ATXN1: variants seen among roughly 807,000 people sequenced by gnomAD.
The protein encoded by ATXN1 is ataxin-1.
Under a neutral mutation model 56.4 loss-of-function variants are expected in ATXN1, and 8 were observed. That is an observed-to-expected ratio of 0.14 (90% CI 0.08 to 0.26). The LOEUF (loss-of-function observed/expected upper bound fraction) is 0.26, where lower values mean the gene tolerates loss of function less well. Ranked by LOEUF, ATXN1 falls within the 10% of genes least tolerant of loss-of-function variation. The pLI is 1.00. For synonymous variants in ATXN1, 514 were observed against 494.6 expected, an observed-to-expected ratio of 1.04 and a Z score of -0.52; for missense variants, 987 against 1,106.5, an observed-to-expected ratio of 0.89 and a Z score of 1.53.
chr6:16,405,000 G>A (rs369787), intron 6 of ATXN1, among the ~76,000 whole-genome samples: 150,606 of 152,354 alleles, frequency 0.99, 74,452 homozygotes, highest in East Asian at 1. Flanking sequence ...ATGTCCTGGT[G>A]TTTGGGTACT....
chr6:16,535,116 G>A (rs1761572822), intron 4 of ATXN1, among the ~76,000 whole-genome samples: 1 of 152,204 alleles, frequency 6.6e-6, no homozygotes, highest in South Asian at 2.1e-4. Context: ...TAGGATCAGT[G>A]AGGGACTAAA....
At chr6:16,379,210 T>A (rs1762202453) in intron 6 of ATXN1, among the ~76,000 whole-genome samples, 1 of 152,126 alleles carries the variant, frequency 6.6e-6, no homozygotes. Flanking sequence ...AGCTAAGCTA[T>A]GAGGATGCAA....
chr6:16,626,816 G>T (rs1308096937), intron 3 of ATXN1, among the ~76,000 whole-genome samples: 1 of 152,198 alleles, frequency 6.6e-6, no homozygotes, highest in Non-Finnish European at 1.5e-5. Context: ...TGGTGTCCTT[G>T]TAACAGGAGA....
rs151104603 is a variant in ATXN1 at position 16,729,786 on chromosome 6, G to A, written c.-615+23447C>T. Among the ~76,000 whole-genome samples the A allele has an allele frequency of 6.2e-3, 942 of 152,226 alleles. 25 individuals are homozygous for A. Among genetic ancestry groups the A allele is most frequent in the Admixed American group, 0.036 (547 of 15,278 alleles). On this transcript the variant is annotated intron_variant, in intron 2 of 7. Transcript: ENST00000436367. ...GCAACGGTTATATTTTTGTTCTATG[G>A]ATTCTGGCCCTCCCACCTGATTCCT... is the stretch of plus-strand genomic sequence containing the variant.
chr6:16,416,785 C>T lies in ATXN1; in HGVS notation c.-161+69187G>A, dbSNP rs1190558117. 2.6e-5 allele frequency among the ~76,000 whole-genome samples: 4 copies of T among 152,212 alleles called. No individual in the cohort carries two copies. In the East Asian group the frequency reaches 7.7e-4, roughly 29 times the overall value. The stretch of plus-strand genomic sequence containing the variant: ...TCTTCCTCACTGTGTTACAGCCGAG[C>T]TGGTACACACTGGAATTCCTGAATT... On this transcript the variant is annotated intron_variant, in intron 6 of 7. Transcript: ENST00000436367.
At chr6:16,453,322 G>T (rs932022842) in intron 6 of ATXN1, among the ~76,000 whole-genome samples, 2 of 152,128 alleles carry the variant, frequency 1.3e-5, no homozygotes, top group Admixed American at 6.5e-5. Flanking sequence ...TTAGCTGGGC[G>T]TAGTGGCAGG....
rs1210131878 is a variant in ATXN1, at chr6:16,753,216, C to G, written c.-615+17G>C. On this transcript the variant is annotated intron_variant, in intron 2 of 7. Transcript: ENST00000436367. The stretch of plus-strand genomic sequence containing the variant: ...TTATCCTCAGATGGAAAACAGAGAG[C>G]ATCGCAAAACTCTCACCTGACATGT... 2.2e-6 allele frequency: 1 copy of G among 456,444 alleles called. No individual in the cohort carries two copies. The highest frequency in any genetic ancestry group is 4.4e-6 in the Non-Finnish European group (1 of 226,924). The allele number at this position is 456,444 out of a possible 1,614,324, so 28.3% of individuals were successfully genotyped here. A position where few individuals can be genotyped will look rare whatever the true frequency, so the allele number is the denominator to read the frequency against.
intron 2 of ATXN1, among the ~76,000 whole-genome samples, chr6:16,730,762 C>T (rs942214955): frequency 4.6e-5 from 7 of 152,004 alleles, no homozygotes; most frequent in Non-Finnish European, 1.0e-4. Context: ...TGGCTAAACA[C>T]AACCACACAT....
At chr6:16,319,115 G>A (rs1356113838) in intron 7 of ATXN1, among the ~76,000 whole-genome samples, 1 of 152,036 alleles carries the variant, frequency 6.6e-6, no homozygotes, top group East Asian at 1.9e-4. Context: ...TTCCTAGGGA[G>A]GCTGAAGTGG....
At chr6:16,316,733 C>T (rs1339499218) in intron 7 of ATXN1, among the ~76,000 whole-genome samples, 1 of 150,786 alleles carries the variant, frequency 6.6e-6, no homozygotes, top group Non-Finnish European at 1.5e-5. Context: ...GGTGACAGTG[C>T]AAGACTCCGT....
intron 3 of ATXN1, among the ~76,000 whole-genome samples, chr6:16,643,627 C>CAA (rs58223053): frequency 0.1 from 6,374 of 62,500 alleles, 316 homozygotes; most frequent in Middle Eastern, 0.17. Flanking sequence ...GAGACCCTGC[C>CAA]AAAAAAAAAA....
chr6:16,599,129 T>C (rs928656197), intron 3 of ATXN1, among the ~76,000 whole-genome samples: 2 of 152,172 alleles, frequency 1.3e-5, no homozygotes, highest in Non-Finnish European at 2.9e-5. Flanking sequence ...CCCAATGGTG[T>C]CACCAAAGAT....
At chr6:16,417,645 A>G (rs1344116380) in intron 6 of ATXN1, among the ~76,000 whole-genome samples, 1 of 151,928 alleles carries the variant, frequency 6.6e-6, no homozygotes, top group South Asian at 2.1e-4. Flanking sequence ...TCGCCATATT[A>G]GCCAGGATGG....
intron 6 of ATXN1, among the ~76,000 whole-genome samples, chr6:16,431,066 A>C (rs1581757214): frequency 6.6e-6 from 1 of 152,032 alleles, no homozygotes; most frequent in East Asian, 1.9e-4. Context: ...ACGGTATCAG[A>C]GAGCAGCCCG....
intron 6 of ATXN1, among the ~76,000 whole-genome samples, chr6:16,442,990 T>G (rs1759548969): frequency 6.6e-6 from 1 of 151,514 alleles, no homozygotes; most frequent in Non-Finnish European, 1.5e-5. Context: ...CCAGCCCGGG[T>G]GACAGAGCAA....
At chr6:16,569,990 G>A (rs764536405) in intron 4 of ATXN1, among the ~76,000 whole-genome samples, 51 of 152,076 alleles carry the variant, frequency 3.4e-4, no homozygotes, top group Non-Finnish European at 6.0e-4. Flanking sequence ...CCATACAGAC[G>A]CCCTCTCCAA....
chr6:16,344,059 A>C (rs1409274371), intron 6 of ATXN1, among the ~76,000 whole-genome samples: 2 of 152,154 alleles, frequency 1.3e-5, no homozygotes, highest in Admixed American at 1.3e-4. Flanking sequence ...CTGGTCCAGG[A>C]ACCACACTTC....
chr6:16,404,329 C>A (rs1271456882), intron 6 of ATXN1, among the ~76,000 whole-genome samples: 1 of 152,122 alleles, frequency 6.6e-6, no homozygotes, highest in East Asian at 1.9e-4. Context: ...CCAAAGTGAG[C>A]CTTGTTTGAA....
chr6:16,701,462 A>G (rs1759281760), intron 2 of ATXN1, among the ~76,000 whole-genome samples: 1 of 152,222 alleles, frequency 6.6e-6, no homozygotes, highest in Admixed American at 6.5e-5. Flanking sequence ...CCTATTCAAC[A>G]TAGTGTTGGA....
Sources: allele counts gnomAD v4.1 joint callset (sites outside exome capture counted in the v4.1 genomes callset), GRCh38; gene constraint gnomAD v4.1.1; transcripts MANE v1.5; gene names NCBI Gene and HGNC (gene_info 2026-07-23, HGNC 2026-07-21).